The following KAZN variants were observed in gnomAD, a reference collection of about 807,000 sequenced individuals.
The protein encoded by KAZN is kazrin, periplakin interacting protein, also known as kazrin.
A neutral mutation model predicts 87.4 loss-of-function variants in KAZN; 40 were observed. The observed-to-expected ratio is 0.46, with a 90% confidence interval of 0.36 to 0.60. The LOEUF is 0.60. KAZN is among the 20% of genes least tolerant of loss of function. The pLI is 0.00. For synonymous variants in KAZN, 466 were observed against 458.3 expected, an observed-to-expected ratio of 1.02 and a Z score of -0.22; for missense variants, 898 against 1,073.9, an observed-to-expected ratio of 0.84 and a Z score of 2.29.
At chr1:14,704,252 C>A (rs1377770205) in intron 1 of KAZN, among the ~76,000 whole-genome samples, 1 of 152,206 alleles carries the variant, frequency 6.6e-6, no homozygotes, top group African/African-American at 2.4e-5. Context: ...GATTTTGTTA[C>A]CCAACCATAA....
At chr1:13,986,518 A>G (rs1557764968) in intron 1 of KAZN, among the ~76,000 whole-genome samples, 1 of 152,214 alleles carries the variant, frequency 6.6e-6, no homozygotes, top group Non-Finnish European at 1.5e-5. Flanking sequence ...CCTTTCTTGC[A>G]TTGAGACTTG....
intron 2 of KAZN, among the ~76,000 whole-genome samples, chr1:14,584,292 T>G (rs2148568185): frequency 6.6e-6 from 1 of 152,292 alleles, no homozygotes; most frequent in South Asian, 2.1e-4. Context: ...AGAAGCTGTC[T>G]TTTTCCTTTG....
chr1:14,964,973 C>T (rs1307083969), intron 2 of KAZN, among the ~76,000 whole-genome samples: 2 of 151,884 alleles, frequency 1.3e-5, no homozygotes, highest in Non-Finnish European at 2.9e-5. Context: ...GAATTTTGGT[C>T]TCATCATGAG....
intron 2 of KAZN, among the ~76,000 whole-genome samples, chr1:14,419,814 G>C (rs1455724321): frequency 6.6e-6 from 1 of 152,044 alleles, no homozygotes; most frequent in East Asian, 1.9e-4. Context: ...GGTGGGTTCG[G>C]GGTCTCGCTG....
intron 2 of KAZN, among the ~76,000 whole-genome samples, chr1:15,006,958 G>A (rs111982146): frequency 0.098 from 14,779 of 150,590 alleles, 804 homozygotes; most frequent in South Asian, 0.18. Flanking sequence ...TCGGGAGGCT[G>A]AGGCAGGAGA....
intron 1 of KAZN, among the ~76,000 whole-genome samples, chr1:14,142,509 G>A (rs1645261783): frequency 6.6e-6 from 1 of 152,286 alleles, no homozygotes; most frequent in African/African-American, 2.4e-5. Flanking sequence ...CACACTTTAC[G>A]TGCTATGTGG....
At chr1:14,868,392 T>C (rs939689044) in intron 1 of KAZN, among the ~76,000 whole-genome samples, 2 of 152,240 alleles carry the variant, frequency 1.3e-5, no homozygotes, top group Non-Finnish European at 2.9e-5. Flanking sequence ...TTTCCTGGGA[T>C]GGGAGCCATT....
rs182227331 is a variant in KAZN at position 14,000,865 on chromosome 1, C to T, written c.91+107109C>T. 7.4e-3 allele frequency among the ~76,000 whole-genome samples: 1,129 copies of T among 151,656 alleles called. 21 individuals carry two copies. The highest frequency in any genetic ancestry group is 0.064 in the South Asian group (305 of 4,764). ...TGGCGGGATCTCGGCTCACTGCAAG[C>T]TCCGCCTCCCGGGTTCACGCCATTC... On this transcript the variant is annotated intron_variant, in intron 1 of 16. Coordinates refer to the KAZN transcript ENST00000636203.
intron 2 of KAZN, among the ~76,000 whole-genome samples, chr1:14,209,949 A>G (rs1417252904): frequency 6.6e-6 from 1 of 152,018 alleles, no homozygotes; most frequent in Non-Finnish European, 1.5e-5. Flanking sequence ...CTTGGGTTTT[A>G]TGTCTCCCTC....
intron 2 of KAZN, among the ~76,000 whole-genome samples, chr1:14,970,001 C>A (rs7527693): frequency 0.42 from 63,136 of 151,776 alleles, 15,990 homozygotes; most frequent in African/African-American, 0.72. Context: ...TTTAGTAGAG[C>A]TGGGGTTTCA....
chr1:14,572,365 C>T (rs915113514), intron 2 of KAZN, among the ~76,000 whole-genome samples: 1 of 152,116 alleles, frequency 6.6e-6, no homozygotes, highest in Non-Finnish European at 1.5e-5. Context: ...GGTTCAGAAC[C>T]CAAGGGAAGA....
At chr1:14,991,482 T>C (rs1172227602) in intron 2 of KAZN, among the ~76,000 whole-genome samples, 1 of 152,220 alleles carries the variant, frequency 6.6e-6, no homozygotes. Context: ...TAATATCCTC[T>C]GCTGTTAGCC....
intron 2 of KAZN, among the ~76,000 whole-genome samples, chr1:14,451,584 A>AAGAGAGAG (rs5772582): frequency 2.0e-5 from 3 of 148,642 alleles, no homozygotes; most frequent in African/African-American, 7.4e-5. Flanking sequence ...CAGTTTCAGA[A>AAGAGAGAG]AGAGAGAGAG....
At chr1:14,422,438 C>T (rs192979246) in intron 2 of KAZN, among the ~76,000 whole-genome samples, 187 of 152,300 alleles carry the variant, frequency 1.2e-3, no homozygotes, top group Non-Finnish European at 2.2e-3. Context: ...CGCTACGCAG[C>T]GCATAAGACA....
chr1:14,683,083 G>A (rs907646789), intron 1 of KAZN, among the ~76,000 whole-genome samples: 13 of 152,126 alleles, frequency 8.5e-5, no homozygotes, highest in African/African-American at 2.9e-4. Context: ...GAGAGGAGGC[G>A]CCTGCTGACA....
intron 1 of KAZN, among the ~76,000 whole-genome samples, chr1:14,936,243 G>A (rs1054844122): frequency 3.3e-5 from 5 of 152,214 alleles, no homozygotes; most frequent in African/African-American, 4.8e-5. Context: ...CCTAGCTCAC[G>A]GATCTGTGGT....
rs1650112472 is a variant in KAZN at position 14,856,418 on chromosome 1, T to C, written c.227-104266T>C. On this transcript the variant is annotated intron_variant, in intron 1 of 14. Transcript: ENST00000376030. This position sits in a 1 kb window ranked among gnomAD's most constrained non-coding sequence, Gnocchi z 5.2. The stretch of plus-strand genomic sequence containing the variant: ...TTTGAAGAAGGAGGCAATATTTCCA[T>C]AGGTGGCATAGCTAAAGACATTACA... Among the ~76,000 whole-genome samples, 1 of 152,202 alleles carries C rather than the reference T, an allele frequency of 6.6e-6. No homozygotes were observed. The highest frequency in any genetic ancestry group is 6.5e-5 in the Admixed American group (1 of 15,282).
At chr1:15,070,799 C>T (rs1186919963) in intron 8 of KAZN, among the ~76,000 whole-genome samples, 1 of 152,226 alleles carries the variant, frequency 6.6e-6, no homozygotes, top group Non-Finnish European at 1.5e-5. Flanking sequence ...CGAGATCGAG[C>T]CACTGCACTC....
At chr1:14,349,358 G>A (rs1038710168) in intron 2 of KAZN, 7 of 152,042 alleles carry the variant, frequency 4.6e-5, no homozygotes, top group African/African-American at 1.7e-4. Context: ...GCCACGGGTG[G>A]TTTTTTTGAA....
Sources: gnomAD v4.1 joint callset for allele counts (sites outside exome capture counted in the v4.1 genomes callset) on GRCh38, gnomAD v4.1.1 for gene constraint, Gnocchi (gnomAD v3.1) non-coding constraint, MANE v1.5 for transcripts, NCBI Gene and HGNC (gene_info 2026-07-23, HGNC 2026-07-21) for gene names.